ILDR2: variants seen among roughly 807,000 people sequenced by gnomAD.
The protein encoded by ILDR2 is immunoglobulin-like domain-containing receptor 2.
A neutral mutation model predicts 66.8 loss-of-function variants in ILDR2; 25 were observed. The observed-to-expected ratio is 0.37, with a 90% CI of 0.27 to 0.52. ILDR2 has a LOEUF of 0.52. Ranked by LOEUF, ILDR2 falls within the 20% of genes least tolerant of loss-of-function variation. The pLI, the probability that ILDR2 is intolerant of heterozygous loss-of-function variation, is 0.88. For missense variants in ILDR2, 827 were observed against 876.8 expected (o/e 0.94, Z 0.72); for synonymous variants, 367 against 357.2 (o/e 1.03, Z -0.31).
In ILDR2 at chr1:166,912,930, T is replaced by C. The variant is rs1659501511; in HGVS notation, c.*6425A>G. 6.6e-6 allele frequency: 1 copy of C among 152,176 alleles called. No homozygotes were observed. Among genetic ancestry groups the C allele is most frequent in the Admixed American group, 6.6e-5 (1 of 15,260 alleles). The allele number at this position is 152,176 out of a possible 1,614,324, so 9.4% of individuals were successfully genotyped here. A position where few individuals can be genotyped will look rare whatever the true frequency, so the allele number is the denominator to read the frequency against. On this transcript the variant is annotated 3_prime_UTR_variant, in exon 10 of 10. Transcript: ENST00000271417. ...TACCATCACCTTATCCAACCACCTT[T>C]CCTACCCTTCATCTCCTTCTGAATG...
intron 1 of ILDR2, among the ~76,000 whole-genome samples, chr1:166,972,585 A>T (rs1663374323): frequency 6.6e-6 from 1 of 152,252 alleles, no homozygotes; most frequent in African/African-American, 2.4e-5. Context: ...TAAATATATA[A>T]CAGGAAGACA....
At chr1:166,943,784 A>G in intron 3 of ILDR2, 4 of 980,598 alleles carry the variant, frequency 4.1e-6, no homozygotes, top group Non-Finnish European at 4.8e-6. Flanking sequence ...AACACTTGTG[A>G]ATCGCTGTCA....
intron 7 of ILDR2, among the ~76,000 whole-genome samples, chr1:166,923,877 G>C (rs929378575): frequency 2.6e-5 from 4 of 152,182 alleles, no homozygotes; most frequent in African/African-American, 9.7e-5. Flanking sequence ...GTTTTCTAAA[G>C]TCCTTTAATT....
At chr1:166,935,153 T>C in intron 6 of ILDR2, 148 bp downstream of exon 6, 1 of 793,476 alleles carries the variant, frequency 1.3e-6, no homozygotes, top group East Asian at 2.6e-5. Flanking sequence ...CCCTAAAAGA[T>C]ATCTGACATA....
intron 6 of ILDR2, 105 bp from the exon 7 acceptor site, chr1:166,927,285 A>G: frequency 1.4e-6 from 1 of 700,416 alleles, no homozygotes; most frequent in South Asian, 1.8e-5. Context: ...AATTATAACA[A>G]CTCTTTTTGA....
chr1:166,953,634 T>C (rs1276912634), intron 3 of ILDR2, among the ~76,000 whole-genome samples: 1 of 152,218 alleles, frequency 6.6e-6, no homozygotes. Context: ...TTTATTCTTC[T>C]GGGTTCCTTG....
intron 1 of ILDR2, among the ~76,000 whole-genome samples, chr1:166,962,506 A>G (rs1662680447): frequency 6.6e-6 from 1 of 152,110 alleles, no homozygotes; most frequent in South Asian, 2.1e-4. Flanking sequence ...GCTGCCATCC[A>G]TCCAACTTCA....
intron 1 of ILDR2, among the ~76,000 whole-genome samples, chr1:166,971,757 A>G (rs1001529901): frequency 1.3e-5 from 2 of 152,166 alleles, no homozygotes; most frequent in East Asian, 1.9e-4. Flanking sequence ...ACAACTGTGC[A>G]TAGCTGAAAA....
chr1:166,956,678 A>G (rs953913230), intron 3 of ILDR2, 55 bp downstream of exon 3: 2 of 1,596,272 alleles, frequency 1.3e-6, no homozygotes, highest in African/African-American at 2.7e-5. Flanking sequence ...GGGATAGGAT[A>G]CAGTGCAAGT....
intron 3 of ILDR2, among the ~76,000 whole-genome samples, chr1:166,944,789 G>T (rs1661516797): frequency 6.6e-6 from 1 of 152,100 alleles, no homozygotes; most frequent in South Asian, 2.1e-4. Context: ...CACTAAGAAG[G>T]TGCTTCCTCC....
At chr1:166,944,215 T>A (rs1037361727) in intron 3 of ILDR2, among the ~76,000 whole-genome samples, 3 of 152,244 alleles carry the variant, frequency 2.0e-5, no homozygotes, top group East Asian at 3.8e-4. Flanking sequence ...CCACTGCCAC[T>A]TTTGAAGTTA....
chr1:166,919,593 C>G (rs1266473390), intron 9 of ILDR2, among the ~76,000 whole-genome samples: 1 of 152,178 alleles, frequency 6.6e-6, no homozygotes, highest in African/African-American at 2.4e-5. Flanking sequence ...AGGCTTAGTT[C>G]CATGGTCACA....
At position 166,920,963 on chromosome 1, in the gene ILDR2, C is replaced by T. The variant is rs1366517857; in HGVS notation, c.1628G>A (p.Ser543Asn). The T allele has an allele frequency of 3.4e-6, 5 of 1,484,762 alleles. No homozygotes were observed. The African/African-American group carries it at 5.8e-5, about 17-fold the overall frequency. The allele number at this position is 1,484,762 out of a possible 1,614,324, so 92.0% of individuals were successfully genotyped here. ...TGGCGTCTCCAGGCTGCCACCGCGGCTGGCGCCCTCGGGCCGCGCCTGGCG... is the reference window on the plus strand; with the variant it reads ...TGGCGTCTCCAGGCTGCCACCGCGGTTGGCGCCCTCGGGCCGCGCCTGGCG... The part of the protein sequence containing the change: ...RERQARPEGA[S>N]RGGSLETPSK... Residue 543 changes from serine to asparagine, a missense_variant, in exon 9 of 10, where the codon AGC (serine) becomes AAC (asparagine). Around this residue, in one of 2 missense-constraint regions of ILDR2, gnomAD observed 390 missense variants for 353.6 expected, o/e 1.10. Coordinates refer to ENST00000271417, the MANE Select transcript of ILDR2 (RefSeq NM_199351.3).
At chr1:166,935,137 A>T (rs1215606627) in intron 6 of ILDR2, among the ~76,000 whole-genome samples, 164 bp downstream of exon 6, 6 of 152,218 alleles carry the variant, frequency 3.9e-5, no homozygotes, top group African/African-American at 1.4e-4. Context: ...GGAAAGCATG[A>T]ATGTACCCTA....
chr1:166,947,806 C>T (rs911938742), intron 3 of ILDR2, among the ~76,000 whole-genome samples: 2 of 152,070 alleles, frequency 1.3e-5, no homozygotes, highest in Non-Finnish European at 2.9e-5. Flanking sequence ...GGCCGAGTTT[C>T]CTCCCACAGT....
In ILDR2 at chr1:166,917,295, T is replaced by C. The variant is rs1005367785; in HGVS notation, c.*2060A>G. The C allele has an allele frequency of 6.6e-6, 1 of 152,188 alleles. No homozygotes were observed. The highest frequency in any genetic ancestry group is 1.5e-5 in the Non-Finnish European group (1 of 68,054). 9.4% of individuals were successfully genotyped at this position (152,188 alleles called of 1,614,324 possible). On this transcript the variant is annotated 3_prime_UTR_variant, in exon 10 of 10. Transcript: ENST00000271417. ...CCAAGCAATGACACATACCAGCTCA[T>C]CCCTCCGACCCTCACCCAGCCACTT...
intron 1 of ILDR2, among the ~76,000 whole-genome samples, chr1:166,958,391 A>G (rs1662407223): frequency 6.6e-6 from 1 of 152,186 alleles, no homozygotes; most frequent in South Asian, 2.1e-4. Flanking sequence ...TTCTCGTGGT[A>G]GGGAGTGAGT....
chr1:166,905,017 A>T (rs988278918), downstream of ILDR2, among the ~76,000 whole-genome samples: 1 of 152,244 alleles, frequency 6.6e-6, no homozygotes, highest in African/African-American at 2.4e-5. Context: ...AGACTTTTAA[A>T]TATTGTTATA....
At chr1:166,897,533 G>A (rs1659186239) in intron 2 of ILDR2, among the ~76,000 whole-genome samples, 2 of 152,188 alleles carry the variant, frequency 1.3e-5, no homozygotes, top group South Asian at 4.1e-4. Context: ...GGAGTTTTGA[G>A]CCAAGTGAAA....
Sources: gnomAD v4.1 joint callset for allele counts (sites outside exome capture counted in the v4.1 genomes callset) on GRCh38, gnomAD v4.1.1 for gene constraint, gnomAD v4.1.1 regional missense constraint, MANE v1.5 for transcripts, NCBI Gene and HGNC (gene_info 2026-07-23, HGNC 2026-07-21) for gene names.